The following EIF3G variants were observed in gnomAD, a reference collection of about 807,000 sequenced individuals.
EIF3G encodes eukaryotic translation initiation factor 3 subunit G.
In EIF3G, 10 loss-of-function variants were observed where a neutral mutation model predicts 41.7. The observed-to-expected ratio is 0.24, with a 90% CI of 0.15 to 0.41. EIF3G has a LOEUF of 0.41. EIF3G is among the 10% of genes least tolerant of loss of function. EIF3G has a pLI of 1.00. For missense variants in EIF3G, 297 were observed against 444.0 expected (o/e 0.67, Z 2.98); for synonymous variants, 204 against 172.5 (o/e 1.18, Z -1.43).
Position 10,115,143 on chromosome 19 carries a change from G to C in EIF3G, c.948-14C>G. On this transcript the variant is annotated splice_polypyrimidine_tract_variant and intron_variant, in intron 10 of 10. Transcript: ENST00000253108. The stretch of plus-strand genomic sequence containing the variant: ...TTGGTGGACGGCCTGGGGTAGGGGA[G>C]GGTGGCAGGTATAAGACTTCTGGGG... 1 of 1,613,794 alleles carries C rather than the reference G, an allele frequency of 6.2e-7. No homozygotes were observed. The highest frequency in any genetic ancestry group is 8.5e-7 in the Non-Finnish European group (1 of 1,179,978).
In EIF3G at chr19:10,115,970, T is replaced by C. The variant is rs760391314; in HGVS notation, c.700A>G (p.Arg234Gly). Residue 234 changes from arginine to glycine, a missense_variant, in exon 8 of 11, where the codon AGA (arginine) becomes GGA (glycine). Physicochemically the swap from Arg to Gly is moderately radical, Grantham distance 125 (BLOSUM62 -2). Transcript: ENST00000253108. Reference protein sequence around the residue: ...RRGESMQPNRRADDNATIRVT... With the variant: ...RRGESMQPNRGADDNATIRVT... ...CTGGCGTCGGGGTGCCCCTCACCTC[T>C]GCGGTTGGGCTGCATGGACTCCCCG... 6.2e-7 allele frequency: 1 copy of C among 1,613,244 alleles called. No individual in the cohort carries two copies. Among genetic ancestry groups the C allele is most frequent in the South Asian group, 1.1e-5 (1 of 90,992 alleles).
At chr19:10,118,629 C>A in intron 5 of EIF3G, 39 bp downstream of exon 5, 1 of 1,609,440 alleles carries the variant, frequency 6.2e-7, no homozygotes, top group Non-Finnish European at 8.5e-7. Context: ...CACGGTTTTC[C>A]AATTCCTCTA....
intron 5 of EIF3G, 50 bp downstream of exon 5, chr19:10,118,618 G>A (rs577423382): frequency 1.3e-6 from 2 of 1,594,804 alleles, no homozygotes; most frequent in South Asian, 2.2e-5. Context: ...AAGTCCGGGA[G>A]CACGGTTTTC....
rs1231018553 is a variant in EIF3G at position 10,116,317 on chromosome 19, G to C, written c.596-243C>G. On this transcript the variant is annotated intron_variant, in intron 7 of 10. Transcript: ENST00000253108. This position sits in a 1 kb window ranked among gnomAD's most constrained non-coding sequence, Gnocchi z 4.1. ...GCCCCGACCCCACCCCAGAGAGGGC[G>C]GGAGGACAACAGGGGCAGCAGCCTC... 1 of 580,504 alleles carries C rather than the reference G, an allele frequency of 1.7e-6. No homozygotes were observed. Among genetic ancestry groups the C allele is most frequent in the Non-Finnish European group, 3.1e-6 (1 of 325,232 alleles). 36.0% of individuals were successfully genotyped at this position (580,504 alleles called of 1,614,324 possible).
intron 2 of EIF3G, 95 bp downstream of exon 2, chr19:10,119,559 C>CG (rs1568497211): frequency 7.0e-7 from 1 of 1,427,048 alleles, no homozygotes; most frequent in Admixed American, 2.1e-5. Context: ...CAGACCGTGA[C>CG]GGGGTACACG....
At chr19:10,117,345 T>G (rs935012225) in intron 5 of EIF3G, 157 bp from the exon 6 acceptor site, 1 of 608,936 alleles carries the variant, frequency 1.6e-6, no homozygotes, top group East Asian at 2.8e-5. Context: ...CTGGCGACAG[T>G]TGTTTCCTGA....
At chr19:10,119,040 G>T in intron 3 of EIF3G, 48 bp downstream of exon 3, 1 of 1,606,494 alleles carries the variant, frequency 6.2e-7, no homozygotes, top group Non-Finnish European at 8.5e-7. Flanking sequence ...GAGGCAGCCC[G>T]GACACCGAGT....
chr19:10,119,128 G>T lies in EIF3G; in HGVS notation c.111C>A (p.Ala37=). Residue 37 remains alanine (A), a synonymous_variant, in exon 3 of 11, where the codon GCC becomes GCA. Transcript: ENST00000253108. ...TSELLKGIPL[A]TGDTSPEPEL... ...CTGGCTCTGGGCTGGTGTCACCTGT[G>T]GCCAGAGGGATCCCCTTGAGGAGCT... 1.9e-6 allele frequency: 3 copies of T among 1,601,858 alleles called. No individual in the cohort carries two copies. The highest frequency in any genetic ancestry group is 2.6e-6 in the Non-Finnish European group (3 of 1,173,512).
rs924740617 is a variant in EIF3G, at chr19:10,116,672, GCA to G, written c.595+126_595+127del. The G allele has an allele frequency of 2.1e-6, 2 of 942,710 alleles. No individual in the cohort carries two copies. Among genetic ancestry groups the G allele is most frequent in the African/African-American group, 3.3e-5 (2 of 60,912 alleles). 58.4% of individuals were successfully genotyped at this position (942,710 alleles called of 1,614,324 possible). On this transcript the variant is annotated intron_variant, in intron 7 of 10. Transcript: ENST00000253108. The surrounding 1 kb of genome is among the most constrained non-coding windows in gnomAD (Gnocchi z 4.1). ...ATAGGAGGTACAGCCAATTAGGAAGGCACAGACGCCCCGAGGAGAGTCTGGCA... is the reference window on the plus strand; with the variant it reads ...ATAGGAGGTACAGCCAATTAGGAAGGCAGACGCCCCGAGGAGAGTCTGGCA...
Position 10,115,771 on chromosome 19 carries a change from A to G in EIF3G, c.753T>C (p.Arg251=), listed in dbSNP as rs1357527713. 1.2e-6 allele frequency: 2 copies of G among 1,613,946 alleles called. No individual in the cohort carries two copies. The change falls in exon 9 of 11, where the codon CGT becomes CGC. Residue 251 remains arginine (R), a synonymous_variant. Transcript: ENST00000253108. ...IRVTNLSEDT[R]ETDLQELFRP... ...GGAAGAGCTCCTGCAGGTCGGTCTC[A>G]CGCGTGTCCTCTGACAAGTTGGTGA...
chr19:10,118,754 G>C, intron 4 of EIF3G, 27 bp from the exon 5 acceptor site: 1 of 1,613,450 alleles, frequency 6.2e-7, no homozygotes, highest in South Asian at 1.1e-5. Flanking sequence ...AGAAGGGTCA[G>C]GCTCCTGGGA....
Position 10,116,073 on chromosome 19 carries a change from C to G in EIF3G, c.597G>C (p.Glu199Asp). The change falls in exon 8 of 11, where the codon GAG (glutamate) becomes GAC (aspartate). Residue 199 changes from glutamate to aspartate, a missense_variant and splice_region_variant. By Grantham distance (45) the Glu-to-Asp change is conservative. Around this residue, in one of 4 missense-constraint regions of EIF3G, gnomAD observed 33 missense variants for 30.3 expected, o/e 1.09. Transcript: ENST00000253108. The surrounding 1 kb of genome is among the most constrained non-coding windows in gnomAD (Gnocchi z 4.1). ...TCTGCGTGGCCTGCACCGGCTCTAG[C>G]TCTGGGGACCAAAAGACAGTCAAGT... The part of the protein sequence containing the change: ...STGEKEKLPG[E>D]LEPVQATQNK... The G allele has an allele frequency of 6.2e-7, 1 of 1,613,544 alleles. No individual in the cohort carries two copies.
intron 5 of EIF3G, chr19:10,118,259 A>G (rs550476246): frequency 3.8e-5 from 8 of 210,052 alleles, no homozygotes; most frequent in Non-Finnish European, 6.8e-5. Context: ...CAGCTTCAAC[A>G]AAATAGGTAC....
Position 10,119,076 on chromosome 19 carries a change from GTCCTCACTCACCTCCC to G in EIF3G, c.147_151+11del. On this transcript the variant is annotated splice_donor_variant and splice_donor_5th_base_variant and coding_sequence_variant and intron_variant, in exon 3 of 11. Transcript: ENST00000253108. LOFTEE classifies it high-confidence loss of function. ...GGCAGTCCTCACTCACCTCCCGGCA[GTCCTCACTCACCTCCC>G]GGCAGTAGCTCTGGCTCTGGGCTGG... 18 of 1,589,486 alleles carry G rather than the reference GTCCTCACTCACCTCCC, an allele frequency of 1.1e-5. No homozygotes were observed. The highest frequency in any genetic ancestry group is 1.3e-5 in the African/African-American group (1 of 74,620).
At position 10,118,715 on chromosome 19, in the gene EIF3G, A is replaced by C; in HGVS notation, c.253T>G (p.Phe85Val). 6.2e-7 allele frequency: 1 copy of C among 1,613,894 alleles called. No individual in the cohort carries two copies. The highest frequency in any genetic ancestry group is 8.5e-7 in the Non-Finnish European group (1 of 1,179,968). ...GAAGCCTTCCGGGTCTCAATCCTGAAGGTGCGGACAATCTGAGGATGGGAG... is the reference window on the plus strand; with the variant it reads ...GAAGCCTTCCGGGTCTCAATCCTGACGGTGCGGACAATCTGAGGATGGGAG... Reference protein sequence around the residue: ...DGKKFKIVRTFRIETRKASKA... With the variant: ...DGKKFKIVRTVRIETRKASKA... The change falls in exon 5 of 11, where the codon TTC becomes GTC. Residue 85 changes from phenylalanine (F) to valine (V), a missense_variant. Physicochemically the swap from Phe to Val is conservative, Grantham distance 50 (BLOSUM62 -1). Around this residue, in one of 4 missense-constraint regions of EIF3G, gnomAD observed 147 missense variants for 162.4 expected, o/e 0.91. Coordinates refer to ENST00000253108, the MANE Select transcript of EIF3G (RefSeq NM_003755.5).
At position 10,116,799 on chromosome 19, in the gene EIF3G, C is replaced by A; in HGVS notation, c.595+1G>T. On this transcript the variant is annotated splice_donor_variant, in intron 7 of 10. Transcript: ENST00000253108. LOFTEE classifies it high-confidence loss of function. This position sits in a 1 kb window ranked among gnomAD's most constrained non-coding sequence, Gnocchi z 4.1. ...ACAGCAGGACCCTCCCACCCCCACA[C>A]CTCCCGGCAGCTTCTCCTTCTCGCC... 6.3e-7 allele frequency: 1 copy of A among 1,577,746 alleles called. No individual in the cohort carries two copies. Among genetic ancestry groups the A allele is most frequent in the Non-Finnish European group, 8.6e-7 (1 of 1,159,258 alleles).
chr19:10,115,314 C>T, intron 10 of EIF3G, 165 bp downstream of exon 10: 1 of 1,096,518 alleles, frequency 9.1e-7, no homozygotes, highest in Non-Finnish European at 1.3e-6. Flanking sequence ...GGCACAAGAG[C>T]TGCCACCCCT....
chr19:10,119,890 C>T lies in EIF3G; in HGVS notation c.-31G>A. On this transcript the variant is annotated 5_prime_UTR_variant, in exon 1 of 11. Transcript: ENST00000253108. Reference sequence around the variant, plus strand: ...AAAGTATTCTCCACGCAGCCCAAGCCCGGCCAGAGAGCGGAAGCGGGCGAA... The same window carrying T: ...AAAGTATTCTCCACGCAGCCCAAGCTCGGCCAGAGAGCGGAAGCGGGCGAA... 1 of 1,614,120 alleles carries T rather than the reference C, an allele frequency of 6.2e-7. No homozygotes were observed. The highest frequency in any genetic ancestry group is 1.1e-5 in the South Asian group (1 of 91,086).
intron 5 of EIF3G, 165 bp from the exon 6 acceptor site, chr19:10,117,353 T>A: frequency 3.3e-6 from 2 of 597,746 alleles, no homozygotes; most frequent in Admixed American, 6.1e-5. Context: ...AGTTGTTTCC[T>A]GAGTACACGC....
Sources: allele counts gnomAD v4.1 joint callset, GRCh38; gene constraint gnomAD v4.1.1; regional missense constraint gnomAD v4.1.1; non-coding constraint Gnocchi (gnomAD v3.1); transcripts MANE v1.5; gene names NCBI Gene and HGNC (gene_info 2026-07-23, HGNC 2026-07-21).